The following PAQR5 variants were observed in gnomAD, a reference collection of about 807,000 sequenced individuals.
PAQR5 encodes the protein progestin and adipoQ receptor family member 5.
In PAQR5, 20 loss-of-function variants were observed where a neutral mutation model predicts 34.5. The ratio of observed to expected loss-of-function variants is 0.58; its 90% CI spans 0.41 to 0.84. The LOEUF (loss-of-function observed/expected upper bound fraction) is 0.84, where lower values mean the gene tolerates loss of function less well. PAQR5 is among the 40% of genes least tolerant of loss of function. The pLI is 0.00. For missense variants in PAQR5, 378 were observed against 412.7 expected (o/e 0.92, Z 0.73); for synonymous variants, 131 against 155.6 (o/e 0.84, Z 1.18).
rs372994304 is a variant in PAQR5, at chr15:69,326,492, A to G, written c.-276-10849A>G. On this transcript the variant is annotated intron_variant, in intron 1 of 8. Coordinates refer to ENST00000395407, the MANE Select transcript of PAQR5 (RefSeq NM_017705.4). ...ACTCTGTTGCACAGTCTGGAGTGCA[A>G]TGGCATAATCTTGGCTCACTGCAAT... is the stretch of plus-strand genomic sequence containing the variant. Among the ~76,000 whole-genome samples, 13 of 149,356 alleles carry G rather than the reference A, an allele frequency of 8.7e-5. No individual in the cohort carries two copies. In the East Asian group the frequency reaches 1.2e-3, roughly 14 times the overall value.
At position 69,405,772 on chromosome 15, in the gene PAQR5, C is replaced by A. The variant is rs2056743890; in HGVS notation, c.*1950C>A. On this transcript the variant is annotated 3_prime_UTR_variant, in exon 9 of 9. Transcript: ENST00000395407. ...TTGAAGGATTTTTAGATTATTTAAT[C>A]TTTGCTTATGTTGCTTTTTCACATG... 6.6e-6 allele frequency: 1 copy of A among 152,102 alleles called. No individual in the cohort carries two copies. The highest frequency in any genetic ancestry group is 1.5e-5 in the Non-Finnish European group (1 of 68,022). The allele number at this position is 152,102 out of a possible 1,614,324, so 9.4% of individuals were successfully genotyped here.
intron 1 of PAQR5, among the ~76,000 whole-genome samples, chr15:69,302,075 T>C (rs1317506180): frequency 6.6e-6 from 1 of 151,434 alleles, no homozygotes; most frequent in African/African-American, 2.4e-5. Flanking sequence ...TGGTCAGATA[T>C]ATATATTTGA....
chr15:69,365,828 T>A (rs774336908), intron 3 of PAQR5, among the ~76,000 whole-genome samples: 4 of 152,206 alleles, frequency 2.6e-5, no homozygotes, highest in Non-Finnish European at 5.9e-5. Context: ...ATTGCCCAAC[T>A]CTAAGGGGGC....
At chr15:69,369,320 G>T (rs962147076) in intron 3 of PAQR5, among the ~76,000 whole-genome samples, 1 of 152,120 alleles carries the variant, frequency 6.6e-6, no homozygotes, top group African/African-American at 2.4e-5. Flanking sequence ...TGGATCACCT[G>T]AGGTCAGGAG....
chr15:69,306,733 T>C (rs2053726338), intron 1 of PAQR5, among the ~76,000 whole-genome samples: 1 of 152,132 alleles, frequency 6.6e-6, no homozygotes, highest in South Asian at 2.1e-4. Context: ...CTGCAACTCA[T>C]TGTCATTAAG....
chr15:69,379,787 C>G, intron 3 of PAQR5, 96 bp from the exon 4 acceptor site: 1 of 1,470,108 alleles, frequency 6.8e-7, no homozygotes, highest in Non-Finnish European at 9.2e-7. Context: ...GTCAAGCGTT[C>G]CAGGCACACA....
chr15:69,352,053 C>A (rs1018422050), intron 2 of PAQR5, among the ~76,000 whole-genome samples: 1 of 152,210 alleles, frequency 6.6e-6, no homozygotes, highest in African/African-American at 2.4e-5. Flanking sequence ...ATGCAAGCTG[C>A]TCTGCCACTT....
At chr15:69,339,834 C>G (rs1291562586) in intron 2 of PAQR5, among the ~76,000 whole-genome samples, 3 of 151,902 alleles carry the variant, frequency 2.0e-5, no homozygotes, top group African/African-American at 7.3e-5. Context: ...AAATCCATGG[C>G]TCTTCGTAAT....
At chr15:69,306,695 C>T (rs1030000154) in intron 1 of PAQR5, among the ~76,000 whole-genome samples, 6 of 151,958 alleles carry the variant, frequency 3.9e-5, no homozygotes, top group Admixed American at 2.0e-4. Flanking sequence ...GAGCCACCGC[C>T]CCCCGCCCAT....
intron 3 of PAQR5, among the ~76,000 whole-genome samples, chr15:69,372,392 A>G (rs2140892543): frequency 6.6e-6 from 1 of 152,204 alleles, no homozygotes; most frequent in African/African-American, 2.4e-5. Flanking sequence ...AAAAATACAA[A>G]ATTCACTGGG....
intron 1 of PAQR5, among the ~76,000 whole-genome samples, chr15:69,331,518 C>G (rs2054379259): frequency 1.3e-5 from 2 of 152,098 alleles, no homozygotes; most frequent in South Asian, 4.2e-4. Context: ...GAAGGGATCT[C>G]AGGAGAGGTT....
In PAQR5 at chr15:69,318,111, G is replaced by A. The variant is rs1011534394; in HGVS notation, c.-277+19055G>A. On this transcript the variant is annotated intron_variant, in intron 1 of 8. Transcript: ENST00000395407. ...TTGCGAGGACTCAGCAGTGGGCAAG[G>A]CAGGAGCCCTGCCATCCAGAGGGGC... Among the ~76,000 whole-genome samples the A allele has an allele frequency of 8.5e-5, 13 of 152,228 alleles. 1 individual carries two copies. The highest frequency in any genetic ancestry group is 7.8e-4 in the Admixed American group (12 of 15,288).
chr15:69,310,978 G>A (rs1326440067), intron 1 of PAQR5, among the ~76,000 whole-genome samples: 1 of 135,716 alleles, frequency 7.4e-6, no homozygotes, highest in African/African-American at 2.7e-5. Flanking sequence ...GGCGGAGCTT[G>A]CAGTGAGCCG....
chr15:69,337,050 T>C (rs1320480289), intron 1 of PAQR5, among the ~76,000 whole-genome samples: 1 of 152,184 alleles, frequency 6.6e-6, no homozygotes, highest in Admixed American at 6.5e-5. Flanking sequence ...CTTTAAAAAT[T>C]GTACTATTGG....
intron 2 of PAQR5, among the ~76,000 whole-genome samples, chr15:69,357,828 G>T (rs909921007): frequency 6.6e-6 from 1 of 152,174 alleles, no homozygotes; most frequent in Non-Finnish European, 1.5e-5. Flanking sequence ...ACAACTTCAA[G>T]TTCAAACTAT....
intron 1 of PAQR5, among the ~76,000 whole-genome samples, chr15:69,329,906 T>G (rs1479900622): frequency 6.6e-6 from 1 of 152,224 alleles, no homozygotes; most frequent in African/African-American, 2.4e-5. Flanking sequence ...CCACTGGCAT[T>G]GATTCAGGGT....
At chr15:69,386,979 G>A (rs982844771) in intron 5 of PAQR5, among the ~76,000 whole-genome samples, 2 of 146,592 alleles carry the variant, frequency 1.4e-5, no homozygotes, top group Admixed American at 6.8e-5. Context: ...CCCCACCCAC[G>A]CCCACCCTCT....
intron 6 of PAQR5, among the ~76,000 whole-genome samples, chr15:69,393,372 A>G (rs1254922985): frequency 7.1e-6 from 1 of 141,766 alleles, no homozygotes; most frequent in Non-Finnish European, 1.6e-5. Context: ...AAGTGGGTAG[A>G]GAGGAGGGTG....
At chr15:69,302,216 G>T (rs1274593935) in intron 1 of PAQR5, among the ~76,000 whole-genome samples, 2 of 151,986 alleles carry the variant, frequency 1.3e-5, no homozygotes, top group Admixed American at 6.5e-5. Context: ...GGGACTATAG[G>T]CATGCACCAC....
Sources: allele counts gnomAD v4.1 joint callset (sites outside exome capture counted in the v4.1 genomes callset), GRCh38; gene constraint gnomAD v4.1.1; transcripts MANE v1.5; gene names NCBI Gene and HGNC (gene_info 2026-07-23, HGNC 2026-07-21).